The following DNAH12 variants were observed in gnomAD, a reference collection of about 807,000 sequenced individuals.
The protein encoded by DNAH12 is dynein axonemal heavy chain 12, also known as axonemal beta dynein heavy chain 12.
In DNAH12, 285 loss-of-function variants were observed where a neutral mutation model predicts 371.5. The observed-to-expected ratio is 0.77, with a 90% CI of 0.70 to 0.85. The LOEUF is 0.85. DNAH12 is among the 40% of genes least tolerant of loss of function. The pLI is 0.00. For synonymous variants in DNAH12, 1,200 were observed against 1,213.0 expected (o/e 0.99, Z 0.22); for missense variants, 3,611 against 3,689.4 (o/e 0.98, Z 0.55).
chr3:57,412,748 A>G (rs943852795), intron 39 of DNAH12, among the ~76,000 whole-genome samples: 1 of 152,122 alleles, frequency 6.6e-6, no homozygotes, highest in African/African-American at 2.4e-5. Flanking sequence ...ACCACCACAC[A>G]CTCATTAGAG....
At chr3:57,458,862 C>A (rs1042244542) in intron 20 of DNAH12, among the ~76,000 whole-genome samples, 6 of 151,992 alleles carry the variant, frequency 3.9e-5, no homozygotes, top group African/African-American at 1.4e-4. Flanking sequence ...TGGACCTTAG[C>A]AGAAAAAAAT....
intron 56 of DNAH12, 90 bp downstream of exon 56, chr3:57,367,956 T>G (rs2063087580): frequency 6.6e-6 from 1 of 152,242 alleles, no homozygotes; most frequent in African/African-American, 2.4e-5. Context: ...ATTAACATTA[T>G]TATTAAATGT....
chr3:57,494,356 C>A (rs2067235160), intron 11 of DNAH12, among the ~76,000 whole-genome samples: 1 of 151,978 alleles, frequency 6.6e-6, no homozygotes, highest in South Asian at 2.1e-4. Flanking sequence ...AGTTTGAGAC[C>A]AACCTGGGCA....
At chr3:57,377,715 T>A (rs1040486736) in intron 52 of DNAH12, among the ~76,000 whole-genome samples, 1 of 152,060 alleles carries the variant, frequency 6.6e-6, no homozygotes, top group Non-Finnish European at 1.5e-5. Flanking sequence ...AAAACCTCAA[T>A]GCTCAGTTTC....
At chr3:57,473,904 T>C (rs1303480329) in intron 13 of DNAH12, among the ~76,000 whole-genome samples, 1 of 152,094 alleles carries the variant, frequency 6.6e-6, no homozygotes, top group Non-Finnish European at 1.5e-5. Context: ...AAGCATGTAG[T>C]GAAATTCAAA....
intron 58 of DNAH12, among the ~76,000 whole-genome samples, chr3:57,362,553 G>A (rs1270403135): frequency 3.9e-5 from 6 of 152,040 alleles, no homozygotes; most frequent in Non-Finnish European, 5.9e-5. Context: ...TTTAATGATC[G>A]CCATTCTAAC....
chr3:57,408,472 G>GC lies in DNAH12; in HGVS notation c.6083dup (p.Pro2030SerfsTer22). On this transcript the variant is annotated frameshift_variant, in exon 40 of 74. Transcript: ENST00000495027. LOFTEE classifies it high-confidence loss of function. ...CTGGATTTCTTCCACCACCTGGAGG[G>GC]CCCATTGCAGCAATCAGCTCTATGT... 6.4e-7 allele frequency: 1 copy of GC among 1,551,414 alleles called. No individual in the cohort carries two copies. Among genetic ancestry groups the GC allele is most frequent in the Non-Finnish European group, 8.7e-7 (1 of 1,146,862 alleles).
intron 62 of DNAH12, among the ~76,000 whole-genome samples, chr3:57,334,199 T>C (rs2062171597): frequency 1.3e-5 from 2 of 152,226 alleles, no homozygotes; most frequent in South Asian, 4.1e-4. Context: ...TTACATTATA[T>C]TACATTAGCA....
intron 39 of DNAH12, among the ~76,000 whole-genome samples, chr3:57,410,261 G>C (rs2064158809): frequency 6.6e-6 from 1 of 151,590 alleles, no homozygotes; most frequent in Non-Finnish European, 1.5e-5. Context: ...CTTACTTCTG[G>C]TCTCTGTGTC....
intron 37 of DNAH12, 60 bp from the exon 38 acceptor site, chr3:57,415,624 C>T (rs2064348670): frequency 5.5e-6 from 8 of 1,460,514 alleles, no homozygotes; most frequent in Non-Finnish European, 7.3e-6. Flanking sequence ...TACATTTCTA[C>T]TAAAGGAGGC....
chr3:57,471,679 G>A (rs963906911), intron 14 of DNAH12, 73 bp from the exon 15 acceptor site: 5 of 1,270,008 alleles, frequency 3.9e-6, no homozygotes, highest in South Asian at 1.9e-5. Flanking sequence ...TCCAAATACT[G>A]TGTATAATAA....
chr3:57,454,788 C>T lies in DNAH12; in HGVS notation c.3443G>A (p.Ser1148Asn). The stretch of plus-strand genomic sequence containing the variant: ...ACAATGCTTTACCTCCGTCCCGCCA[C>T]TTATCACTTCCTGTGTCTCAGATGT... ...FWTSETQEVI[S>N]GGTEGLKKYY... The change falls in exon 23 of 74, where the codon AGT (serine) becomes AAT (asparagine). Residue 1148 changes from serine (S) to asparagine (N), a missense_variant. By Grantham distance (46) the Ser-to-Asn change is conservative. Around this residue, in one of 3 missense-constraint regions of DNAH12, gnomAD observed 1,314 missense variants for 1,398.7 expected, o/e 0.94. Transcript: ENST00000495027. 1 of 1,551,272 alleles carries T rather than the reference C, an allele frequency of 6.4e-7. No individual in the cohort carries two copies. The highest frequency in any genetic ancestry group is 8.7e-7 in the Non-Finnish European group (1 of 1,146,794).
At position 57,438,118 on chromosome 3, in the gene DNAH12, G is replaced by A. The variant is rs938966632; in HGVS notation, c.4546-1058C>T. The stretch of plus-strand genomic sequence containing the variant: ...GAAATCAGGAGTTCAAGACCAGCCC[G>A]CCCAACATGGCAAAATCCTATCTCT... On this transcript the variant is annotated intron_variant, in intron 29 of 73. Coordinates refer to ENST00000495027, the MANE Select transcript of DNAH12 (RefSeq NM_001366028.2). 4.5e-4 allele frequency among the ~76,000 whole-genome samples: 68 copies of A among 151,752 alleles called. 1 individual carries two copies. Among genetic ancestry groups the A allele is most frequent in the Admixed American group, 2.6e-4 (4 of 15,192 alleles).
chr3:57,406,356 C>CAAAAAAAA (rs782271639), intron 40 of DNAH12, among the ~76,000 whole-genome samples: 4 of 96,050 alleles, frequency 4.2e-5, no homozygotes, highest in Non-Finnish European at 6.8e-5. Context: ...GATTCTGCCT[C>CAAAAAAAA]AAAAAAAAAA....
At chr3:57,365,503 T>A (rs977281626) in intron 57 of DNAH12, among the ~76,000 whole-genome samples, 18,597 of 151,966 alleles carry the variant, frequency 0.12, 1,635 homozygotes, top group East Asian at 0.52. Context: ...AGCTAATGCA[T>A]GCTGGGCTTA....
rs150386164 is a variant in DNAH12 at position 57,312,442 on chromosome 3, T to G, written c.10663-1492A>C. Reference sequence around the variant, plus strand: ...AGAAGTGGAGACCAACAGCTCATTCTCTGGCTGTCTTTCCACTTAGCCCCA... The same window carrying G: ...AGAAGTGGAGACCAACAGCTCATTCGCTGGCTGTCTTTCCACTTAGCCCCA... On this transcript the variant is annotated intron_variant, in intron 66 of 73. Transcript: ENST00000495027. 3.0e-4 allele frequency among the ~76,000 whole-genome samples: 45 copies of G among 152,354 alleles called. No individual in the cohort carries two copies. The East Asian group carries it at 4.4e-3, about 15-fold the overall frequency.
chr3:57,427,138 ATGTGTGTGTGTGTG>A (rs71088070), intron 34 of DNAH12, among the ~76,000 whole-genome samples: 1 of 138,782 alleles, frequency 7.2e-6, no homozygotes, highest in African/African-American at 2.8e-5. Flanking sequence ...TAAGAAGCGA[ATGTGTGTGTGTGTG>A]TGTGTGTGTG....
chr3:57,432,168 CTT>C (rs61049709), intron 32 of DNAH12, among the ~76,000 whole-genome samples: 25 of 131,222 alleles, frequency 1.9e-4, no homozygotes, highest in African/African-American at 3.5e-4. Context: ...TTCAGTATAT[CTT>C]TTTTTTTTTT....
In DNAH12 at chr3:57,295,610, C is replaced by T. The variant is rs899985028; in HGVS notation, c.11625-18G>A. On this transcript the variant is annotated intron_variant, in intron 72 of 73. Coordinates refer to ENST00000495027, the MANE Select transcript of DNAH12 (RefSeq NM_001366028.2). ...GCAATCCACTGTAACGAGAAATTGA[C>T]AGAAATTATTAGAAATAACATGAAA... 2.0e-5 allele frequency: 31 copies of T among 1,523,992 alleles called. No homozygotes were observed. The highest frequency in any genetic ancestry group is 2.6e-5 in the Non-Finnish European group (29 of 1,132,406). The allele number at this position is 1,523,992 out of a possible 1,614,324, so 94.4% of individuals were successfully genotyped here.
Sources: gnomAD v4.1 joint callset for allele counts (sites outside exome capture counted in the v4.1 genomes callset) on GRCh38, gnomAD v4.1.1 for gene constraint, gnomAD v4.1.1 regional missense constraint, MANE v1.5 for transcripts, NCBI Gene and HGNC (gene_info 2026-07-23, HGNC 2026-07-21) for gene names.